TUBGCP3: variants seen among roughly 807,000 people sequenced by gnomAD.
TUBGCP3 encodes the protein gamma-tubulin complex component 3.
A neutral mutation model predicts 123.1 loss-of-function variants in TUBGCP3; 50 were observed. The observed-to-expected ratio is 0.41, with a 90% CI of 0.32 to 0.51. The LOEUF is 0.51. TUBGCP3 is among the 20% of genes least tolerant of loss of function. The probability of loss-of-function intolerance (pLI) is 0.36; values close to 1 mark genes in which losing one functional copy is unlikely to be tolerated. For synonymous variants in TUBGCP3, 405 were observed against 413.9 expected (o/e 0.98, Z 0.26); for missense variants, 882 against 1,127.0 (o/e 0.78, Z 3.11).
chr13:112,550,903 C>T (rs147006982), intron 8 of TUBGCP3, among the ~76,000 whole-genome samples: 3 of 152,128 alleles, frequency 2.0e-5, no homozygotes, highest in East Asian at 1.9e-4. Flanking sequence ...TTAAGACCAT[C>T]CTGGCTAACA....
chr13:112,523,439 TTTCACAC>T (rs1405010039), intron 13 of TUBGCP3, among the ~76,000 whole-genome samples: 1 of 152,208 alleles, frequency 6.6e-6, no homozygotes, highest in African/African-American at 2.4e-5. Flanking sequence ...ATTATTCCAA[TTTCACAC>T]TAGTAGCAAA....
rs188952197 is a variant in TUBGCP3 at position 112,522,785 on chromosome 13, A to G, written c.1556-276T>C. On this transcript the variant is annotated intron_variant, in intron 13 of 21. Transcript: ENST00000261965. Reference sequence around the variant, plus strand: ...CCCTTAATACACTGTAACTAACCGTAAATCTCACCAAAACACACTGGTAAT... The same window carrying G: ...CCCTTAATACACTGTAACTAACCGTGAATCTCACCAAAACACACTGGTAAT... Among the ~76,000 whole-genome samples the G allele has an allele frequency of 4.6e-5, 7 of 152,364 alleles. No homozygotes were observed. The East Asian group carries it at 1.3e-3, about 29-fold the overall frequency.
chr13:112,578,403 C>CA (rs552785917), intron 1 of TUBGCP3, among the ~76,000 whole-genome samples: 389 of 149,888 alleles, frequency 2.6e-3, no homozygotes, highest in African/African-American at 8.9e-3. Context: ...ACTAAAAATA[C>CA]AAAAAATTAG....
At chr13:112,561,315 C>T (rs9577802) in intron 3 of TUBGCP3, among the ~76,000 whole-genome samples, 23,978 of 152,196 alleles carry the variant, frequency 0.16, 2,148 homozygotes, top group Non-Finnish European at 0.21. Context: ...GACCAAGGAG[C>T]CAAGCTGCTG....
the TUBGCP3 span, among the ~76,000 whole-genome samples, chr13:112,600,961 G>A: frequency 6.6e-6 from 1 of 152,186 alleles, no homozygotes; most frequent in Non-Finnish European, 1.5e-5. Context: ...GCCAAGGCAG[G>A]TAGATCACTT....
At chr13:112,550,705 T>A (rs141172795) in intron 8 of TUBGCP3, among the ~76,000 whole-genome samples, 1 of 152,230 alleles carries the variant, frequency 6.6e-6, no homozygotes, top group Non-Finnish European at 1.5e-5. Context: ...GAAAACGACA[T>A]GGAATCTGCT....
chr13:112,493,475 A>G (rs1214293449), intron 20 of TUBGCP3, among the ~76,000 whole-genome samples: 127 of 117,696 alleles, frequency 1.1e-3, no homozygotes, highest in Middle Eastern at 8.3e-3. Flanking sequence ...CTTTGGGAAC[A>G]GGGCCTGGTG....
At chr13:112,578,052 T>A (rs371646199) in intron 1 of TUBGCP3, among the ~76,000 whole-genome samples, 1 of 152,136 alleles carries the variant, frequency 6.6e-6, no homozygotes, top group Non-Finnish European at 1.5e-5. Flanking sequence ...TTGGAACATG[T>A]CCGGGGTCCA....
chr13:112,594,601 T>C, the TUBGCP3 span, among the ~76,000 whole-genome samples: 1 of 152,238 alleles, frequency 6.6e-6, no homozygotes, highest in Non-Finnish European at 1.5e-5. Flanking sequence ...TCCTTCATTC[T>C]GTTTGCTTTG....
intron 20 of TUBGCP3, among the ~76,000 whole-genome samples, chr13:112,495,230 G>T (rs915352977): frequency 2.4e-4 from 36 of 152,120 alleles, no homozygotes; most frequent in African/African-American, 8.5e-4. Context: ...ATTTTGATTT[G>T]ATTTTTGTAC....
chr13:112,505,839 G>A (rs537525351), intron 17 of TUBGCP3, among the ~76,000 whole-genome samples: 206 of 152,258 alleles, frequency 1.4e-3, no homozygotes, highest in African/African-American at 4.8e-3. Context: ...CCTGGCACCC[G>A]GTCTCCAGGG....
chr13:112,562,248 T>TACCACCAGCCAAGACCTACTAGGGAAC (rs1880575036), intron 3 of TUBGCP3, among the ~76,000 whole-genome samples: 1 of 116,482 alleles, frequency 8.6e-6, no homozygotes, highest in African/African-American at 3.5e-5. Context: ...TACTAGGGAA[T>TACCACCAGCCAAGACCTACTAGGGAAC]ACCACCAGCC....
At chr13:112,591,444 C>A (rs1046927089), upstream of TUBGCP3, among the ~76,000 whole-genome samples, 1 of 152,248 alleles carries the variant, frequency 6.6e-6, no homozygotes. Context: ...CACCACACTT[C>A]CTTCTTTTTG....
At chr13:112,487,194 G>C (rs1172827159) in intron 21 of TUBGCP3, among the ~76,000 whole-genome samples, 1 of 152,076 alleles carries the variant, frequency 6.6e-6, no homozygotes, top group African/African-American at 2.4e-5. Flanking sequence ...GTGATGATGT[G>C]ATGAAACTGA....
chr13:112,596,201 T>G, the TUBGCP3 span, among the ~76,000 whole-genome samples: 1 of 152,244 alleles, frequency 6.6e-6, no homozygotes, highest in Admixed American at 6.5e-5. Context: ...TTGTAGTTAT[T>G]CATATTTTCA....
At chr13:112,497,803 CAT>C (rs1396789224) in intron 20 of TUBGCP3, among the ~76,000 whole-genome samples, 1 of 152,146 alleles carries the variant, frequency 6.6e-6, no homozygotes, top group African/African-American at 2.4e-5. Context: ...ACATATCTAA[CAT>C]AGAAAAGGTA....
intron 8 of TUBGCP3, among the ~76,000 whole-genome samples, chr13:112,549,018 A>G (rs996556988): frequency 6.6e-6 from 1 of 152,216 alleles, no homozygotes; most frequent in African/African-American, 2.4e-5. Context: ...TCATGCTGCT[A>G]TAAAGACACA....
At chr13:112,540,981 T>C (rs896777025) in intron 11 of TUBGCP3, among the ~76,000 whole-genome samples, 2 of 152,198 alleles carry the variant, frequency 1.3e-5, no homozygotes, top group African/African-American at 4.8e-5. Flanking sequence ...ACAAGAGTGC[T>C]TCAAAAAAGT....
chr13:112,540,034 A>G (rs1379474872), intron 11 of TUBGCP3, among the ~76,000 whole-genome samples: 2 of 130,410 alleles, frequency 1.5e-5, no homozygotes, highest in African/African-American at 6.5e-5. Context: ...GTAGTAGCCT[A>G]TGAGCATTCA....
Sources: gnomAD v4.1 joint callset for allele counts (sites outside exome capture counted in the v4.1 genomes callset) on GRCh38, gnomAD v4.1.1 for gene constraint, MANE v1.5 for transcripts, NCBI Gene and HGNC (gene_info 2026-07-23, HGNC 2026-07-21) for gene names.